Variants in MPP7 observed in about 807,000 individuals in gnomAD.
MPP7 encodes MAGUK p55 scaffold protein 7.
Under a neutral mutation model 76.5 loss-of-function variants are expected in MPP7, and 60 were observed. The observed-to-expected ratio is 0.78, with a 90% CI of 0.64 to 0.97. MPP7 has a LOEUF of 0.97. Among genes scored for constraint, MPP7 ranks in the 50% least tolerant of loss-of-function variants. The pLI, the probability that MPP7 is intolerant of heterozygous loss-of-function variation, is 0.00. For missense variants in MPP7, 641 were observed against 694.0 expected (o/e 0.92, Z 0.86); for synonymous variants, 237 against 244.5 (o/e 0.97, Z 0.29).
At chr10:28,309,638 A>G (rs972642523) in intron 2 of MPP7, among the ~76,000 whole-genome samples, 3 of 152,114 alleles carry the variant, frequency 2.0e-5, no homozygotes, top group Non-Finnish European at 4.4e-5. Context: ...GAACTTTATC[A>G]TTAACAACCT....
At chr10:28,236,202 T>C (rs981870275) in intron 2 of MPP7, among the ~76,000 whole-genome samples, 10 of 152,206 alleles carry the variant, frequency 6.6e-5, no homozygotes, top group Admixed American at 6.5e-4. Context: ...AATGTGTACA[T>C]CTTCCCTTCC....
intron 1 of MPP7, among the ~76,000 whole-genome samples, chr10:28,251,773 T>C (rs189951067): frequency 3.5e-4 from 53 of 152,150 alleles, no homozygotes; most frequent in African/African-American, 1.2e-3. Flanking sequence ...CTTTTGCCAT[T>C]TAGCCAGGCA....
At chr10:28,322,791 T>A (rs1371567201) in intron 2 of MPP7, among the ~76,000 whole-genome samples, 2 of 152,180 alleles carry the variant, frequency 1.3e-5, no homozygotes, top group Non-Finnish European at 2.9e-5. Context: ...TATGATTTTA[T>A]TTGTGTTAAA....
chr10:28,302,081 T>A (rs1282594143), intron 1 of MPP7, among the ~76,000 whole-genome samples: 1 of 152,088 alleles, frequency 6.6e-6, no homozygotes, highest in Non-Finnish European at 1.5e-5. Context: ...GAATATTGCT[T>A]TTAAAAATTA....
At chr10:28,224,911 C>T (rs1479538758) in intron 2 of MPP7, among the ~76,000 whole-genome samples, 1 of 151,838 alleles carries the variant, frequency 6.6e-6, no homozygotes, top group Admixed American at 6.6e-5. Context: ...TTGTGAGAGC[C>T]ACTCTCCCCT....
In MPP7 at chr10:28,162,657, C is replaced by T. The variant is rs114626627; in HGVS notation, c.157-12598G>A. On this transcript the variant is annotated intron_variant, in intron 3 of 16. Transcript: ENST00000683449. ...GCAGCAGGCGGCCTCTAAAATGGCT[C>T]CCAAAGATTCTCCTTCTCAGGACTT... 5.9e-3 allele frequency among the ~76,000 whole-genome samples: 893 copies of T among 152,240 alleles called. 10 individuals are homozygous for T. Among genetic ancestry groups the T allele is most frequent in the African/African-American group, 0.02 (816 of 41,530 alleles).
chr10:28,066,721 A>C (rs61686242), intron 13 of MPP7, among the ~76,000 whole-genome samples: 3,646 of 152,276 alleles, frequency 0.024, 148 homozygotes, highest in African/African-American at 0.08. Context: ...CTAACAGCAC[A>C]CATGAATGTT....
chr10:28,277,862 C>A (rs1840551093), intron 1 of MPP7, among the ~76,000 whole-genome samples: 1 of 151,942 alleles, frequency 6.6e-6, no homozygotes, highest in Admixed American at 6.6e-5. Context: ...GAAGGTAAGT[C>A]CACGGTTCCA....
intron 2 of MPP7, among the ~76,000 whole-genome samples, chr10:28,236,068 G>A (rs1187603797): frequency 6.6e-6 from 1 of 152,030 alleles, no homozygotes; most frequent in Non-Finnish European, 1.5e-5. Context: ...CCAACAGATC[G>A]GTAAAAATTA....
At chr10:28,207,409 A>T (rs1837982738) in intron 2 of MPP7, among the ~76,000 whole-genome samples, 2 of 152,194 alleles carry the variant, frequency 1.3e-5, no homozygotes, top group Admixed American at 6.5e-5. Flanking sequence ...AAAAGGTTAT[A>T]TTGGGGGCTG....
rs186675554 is a variant in MPP7 at position 28,147,346 on chromosome 10, G to A, written c.315+137C>T. 7.7e-3 allele frequency: 4,942 copies of A among 644,396 alleles called. 34 individuals carry two copies. The highest frequency in any genetic ancestry group is 9.3e-3 in the Non-Finnish European group (3,350 of 361,764). The allele number at this position is 644,396 out of a possible 1,614,324, so 39.9% of individuals were successfully genotyped here. ...AAAGCTCGCCTCTTTCTCATTAATA[G>A]GATTTAGGCTATTAAAATACTGTGC... On this transcript the variant is annotated intron_variant, in intron 5 of 16. Coordinates refer to ENST00000683449, the MANE Select transcript of MPP7 (RefSeq NM_001318170.2).
Position 28,302,965 on chromosome 10 carries a change from A to G in MPP7, c.-236T>C, listed in dbSNP as rs991788271. On this transcript the variant is annotated 5_prime_UTR_variant, in exon 1 of 17. Transcript: ENST00000683449. ...GCAGCGACCGCCACCGCCGCAGAGG[A>G]CAATCGGGAGCCAGCGGGCTCGGCA... 5.9e-5 allele frequency among the ~76,000 whole-genome samples: 9 copies of G among 151,316 alleles called. No individual in the cohort carries two copies. Among genetic ancestry groups the G allele is most frequent in the African/African-American group, 2.2e-4 (9 of 41,364 alleles).
At chr10:28,095,174 G>C (rs1282789281) in intron 11 of MPP7, among the ~76,000 whole-genome samples, 1 of 123,230 alleles carries the variant, frequency 8.1e-6, no homozygotes, top group African/African-American at 3.1e-5. Context: ...ACACATATCT[G>C]ATATACATAC....
intron 11 of MPP7, among the ~76,000 whole-genome samples, chr10:28,102,360 T>C (rs1297591398): frequency 6.6e-6 from 1 of 152,150 alleles, no homozygotes; most frequent in Non-Finnish European, 1.5e-5. Flanking sequence ...CAGTGAGCTT[T>C]TTCCTTTCTT....
chr10:28,272,232 T>C (rs950310257), intron 1 of MPP7, among the ~76,000 whole-genome samples: 2 of 152,180 alleles, frequency 1.3e-5, no homozygotes, highest in South Asian at 4.1e-4. Context: ...TTTAGATTCG[T>C]GACTTAGATC....
At chr10:28,185,479 A>C (rs1486761612) in intron 3 of MPP7, among the ~76,000 whole-genome samples, 1 of 152,162 alleles carries the variant, frequency 6.6e-6, no homozygotes, top group Non-Finnish European at 1.5e-5. Context: ...AGACTCAATG[A>C]GAAGCAAATG....
At chr10:28,220,863 C>T (rs916798155) in intron 2 of MPP7, among the ~76,000 whole-genome samples, 2 of 152,098 alleles carry the variant, frequency 1.3e-5, no homozygotes, top group South Asian at 4.1e-4. Flanking sequence ...ACATCAAGCA[C>T]AAGGTTGGCC....
chr10:28,171,066 T>C (rs2133866760), intron 3 of MPP7, among the ~76,000 whole-genome samples: 1 of 152,324 alleles, frequency 6.6e-6, no homozygotes, highest in Non-Finnish European at 1.5e-5. Context: ...TCTCAAAATG[T>C]CACACTACAT....
At chr10:28,243,041 G>C (rs1839320103) in intron 1 of MPP7, among the ~76,000 whole-genome samples, 2 of 152,040 alleles carry the variant, frequency 1.3e-5, no homozygotes, top group South Asian at 2.1e-4. Flanking sequence ...GCAATGATTT[G>C]AGTTGTGAGT....
Sources: gnomAD v4.1 joint callset for allele counts (sites outside exome capture counted in the v4.1 genomes callset) on GRCh38, gnomAD v4.1.1 for gene constraint, MANE v1.5 for transcripts, NCBI Gene and HGNC (gene_info 2026-07-23, HGNC 2026-07-21) for gene names.